Variants in KCNQ5 observed in about 807,000 individuals in gnomAD.
KCNQ5 encodes potassium voltage-gated channel subfamily Q member 5.
KCNQ5 carries 30 observed loss-of-function variants against 98.2 expected under a neutral mutation model. The ratio of observed to expected loss-of-function variants is 0.31; its 90% CI spans 0.23 to 0.41. KCNQ5 has a LOEUF of 0.41. Ranked by LOEUF, KCNQ5 falls within the 10% of genes least tolerant of loss-of-function variation. The pLI is 1.00. For synonymous variants in KCNQ5, 458 were observed against 449.4 expected (o/e 1.02, Z -0.24); for missense variants, 835 against 1,182.5 (o/e 0.71, Z 4.31).
At chr6:72,953,420 A>C (rs1225023669) in intron 1 of KCNQ5, among the ~76,000 whole-genome samples, 1 of 152,218 alleles carries the variant, frequency 6.6e-6, no homozygotes, top group African/African-American at 2.4e-5. Context: ...TGTGTGTTTT[A>C]GTTGCTTTCT....
intron 3 of KCNQ5, among the ~76,000 whole-genome samples, chr6:73,054,008 G>A (rs1241585937): frequency 2.0e-5 from 3 of 151,834 alleles, no homozygotes; most frequent in East Asian, 1.9e-4. Flanking sequence ...AATGACAAAG[G>A]GATGTTACCA....
At chr6:73,048,088 C>T (rs552510079) in intron 3 of KCNQ5, among the ~76,000 whole-genome samples, 104 of 152,220 alleles carry the variant, frequency 6.8e-4, no homozygotes, top group Non-Finnish European at 1.4e-3. Flanking sequence ...AGATAATATT[C>T]GTGTGGACGA....
intron 11 of KCNQ5, among the ~76,000 whole-genome samples, chr6:73,188,578 T>G (rs1178670943): frequency 6.6e-6 from 1 of 152,202 alleles, no homozygotes; most frequent in African/African-American, 2.4e-5. Flanking sequence ...CCTCCTCTTA[T>G]TCAACAAATA....
chr6:72,622,628 C>T lies in KCNQ5; in HGVS notation c.398+41C>T, dbSNP rs770146068. 4 of 1,606,094 alleles carry T rather than the reference C, an allele frequency of 2.5e-6. No individual in the cohort carries two copies. The African/African-American group carries it at 5.4e-5, about 21-fold the overall frequency. ...CCCTGCTATGCCCGCTGCAGGGGACCACTGTCCCTGGCCCCCTGGGGCGTG... is the reference window on the plus strand; with the variant it reads ...CCCTGCTATGCCCGCTGCAGGGGACTACTGTCCCTGGCCCCCTGGGGCGTG... On this transcript the variant is annotated intron_variant, in intron 1 of 13. Transcript: ENST00000370398. The surrounding 1 kb of genome is among the most constrained non-coding windows in gnomAD (Gnocchi z 6.0).
At chr6:73,128,513 T>C (rs78807145) in intron 9 of KCNQ5, among the ~76,000 whole-genome samples, 5,630 of 152,314 alleles carry the variant, frequency 0.037, 354 homozygotes, top group African/African-American at 0.13. Flanking sequence ...CCTTCCTCCT[T>C]GACCAGATTA....
chr6:72,918,169 G>C (rs1020959368), intron 1 of KCNQ5, among the ~76,000 whole-genome samples: 5 of 152,178 alleles, frequency 3.3e-5, no homozygotes, highest in African/African-American at 1.2e-4. Flanking sequence ...CCATAAAAAC[G>C]TGGCCTCTTG....
At position 72,622,166 on chromosome 6, in the gene KCNQ5, C is replaced by T; in HGVS notation, c.-24C>T. 1 of 1,218,596 alleles carries T rather than the reference C, an allele frequency of 8.2e-7. No homozygotes were observed. The highest frequency in any genetic ancestry group is 1.0e-6 in the Non-Finnish European group (1 of 979,468). The allele number at this position is 1,218,596 out of a possible 1,614,324, so 75.5% of individuals were successfully genotyped here. Reference sequence around the variant, plus strand: ...CCCCCGCCGCAGGCGCTGGCGGCCCCCTCGCGGTGCCCGTGGTGATGCCAT... The same window carrying T: ...CCCCCGCCGCAGGCGCTGGCGGCCCTCTCGCGGTGCCCGTGGTGATGCCAT... On this transcript the variant is annotated 5_prime_UTR_variant, in exon 1 of 14. Transcript: ENST00000370398. This position sits in a 1 kb window ranked among gnomAD's most constrained non-coding sequence, Gnocchi z 6.0.
chr6:72,707,753 A>G (rs1465690686), intron 1 of KCNQ5, among the ~76,000 whole-genome samples: 1 of 152,176 alleles, frequency 6.6e-6, no homozygotes, highest in East Asian at 1.9e-4. Flanking sequence ...TTACTCTGCC[A>G]CCCAGGCTGG....
intron 1 of KCNQ5, among the ~76,000 whole-genome samples, chr6:72,912,010 A>G (rs1401633857): frequency 6.6e-6 from 1 of 152,104 alleles, no homozygotes; most frequent in Non-Finnish European, 1.5e-5. Flanking sequence ...CTTCACTGCA[A>G]GCTTCAAATA....
chr6:73,033,214 C>A (rs534996521), intron 2 of KCNQ5, among the ~76,000 whole-genome samples: 17 of 152,116 alleles, frequency 1.1e-4, no homozygotes, highest in Non-Finnish European at 2.2e-4. Flanking sequence ...GGGGCACCCA[C>A]TTCCTGCCTC....
At chr6:72,928,546 T>C (rs1765543340) in intron 1 of KCNQ5, among the ~76,000 whole-genome samples, 1 of 152,056 alleles carries the variant, frequency 6.6e-6, no homozygotes, top group African/African-American at 2.4e-5. Context: ...TTACTTTTAG[T>C]ATGGGAGATT....
intron 1 of KCNQ5, among the ~76,000 whole-genome samples, chr6:72,792,666 C>T (rs1012582055): frequency 1.3e-5 from 2 of 152,090 alleles, no homozygotes; most frequent in Admixed American, 6.6e-5. Flanking sequence ...TGTATAATAA[C>T]CAGGAAAGCG....
At chr6:72,653,878 T>A (rs1030305018) in intron 1 of KCNQ5, among the ~76,000 whole-genome samples, 2 of 152,098 alleles carry the variant, frequency 1.3e-5, no homozygotes, top group Non-Finnish European at 2.9e-5. Context: ...TACATATCTT[T>A]GTACTCAATA....
chr6:73,173,822 A>C (rs933412224), intron 11 of KCNQ5, among the ~76,000 whole-genome samples: 1 of 152,096 alleles, frequency 6.6e-6, no homozygotes, highest in African/African-American at 2.4e-5. Flanking sequence ...TAAAATAACA[A>C]ATATTTGAAA....
chr6:72,722,188 C>T lies in KCNQ5; in HGVS notation c.398+99601C>T, dbSNP rs552173616. Among the ~76,000 whole-genome samples the T allele has an allele frequency of 6.6e-5, 10 of 152,228 alleles. No individual in the cohort carries two copies. In the South Asian group the frequency reaches 1.7e-3, roughly 25 times the overall value. On this transcript the variant is annotated intron_variant, in intron 1 of 13. Coordinates refer to ENST00000370398, the MANE Select transcript of KCNQ5 (RefSeq NM_019842.4). ...GCCCTGCTGGTACCTTGACTTTAGC[C>T]CAGGGAGGCTGATTTTGGACTTCTG...
chr6:72,718,783 T>C (rs1371237422), intron 1 of KCNQ5, among the ~76,000 whole-genome samples: 1 of 152,140 alleles, frequency 6.6e-6, no homozygotes, highest in African/African-American at 2.4e-5. Context: ...TGAAATACTT[T>C]CATGCATTTG....
intron 1 of KCNQ5, among the ~76,000 whole-genome samples, chr6:72,821,319 G>A (rs1443236892): frequency 1.3e-5 from 2 of 152,066 alleles, no homozygotes; most frequent in African/African-American, 4.8e-5. Flanking sequence ...TCTAAAGAAG[G>A]AATACAAGAG....
chr6:72,953,193 C>G (rs1233488034), intron 1 of KCNQ5, among the ~76,000 whole-genome samples: 1 of 152,166 alleles, frequency 6.6e-6, no homozygotes, highest in Non-Finnish European at 1.5e-5. Flanking sequence ...GGCCACATAA[C>G]AAGAAACTTC....
At chr6:73,187,250 G>C (rs947735985) in intron 11 of KCNQ5, among the ~76,000 whole-genome samples, 1 of 151,922 alleles carries the variant, frequency 6.6e-6, no homozygotes, top group Non-Finnish European at 1.5e-5. Context: ...TAGTAGAGAT[G>C]GGGTTTCACC....
Sources: gnomAD v4.1 joint callset for allele counts (sites outside exome capture counted in the v4.1 genomes callset) on GRCh38, gnomAD v4.1.1 for gene constraint, Gnocchi (gnomAD v3.1) non-coding constraint, MANE v1.5 for transcripts, NCBI Gene and HGNC (gene_info 2026-07-23, HGNC 2026-07-21) for gene names.